The following ALDH1A2 variants were observed in gnomAD, a reference collection of about 807,000 sequenced individuals.
ALDH1A2 encodes the protein retinal dehydrogenase 2.
ALDH1A2 carries 27 observed loss-of-function variants against 60.3 expected under a neutral mutation model. That is an observed-to-expected ratio of 0.45 (90% CI 0.33 to 0.62). The LOEUF is 0.62. ALDH1A2 is among the 20% of genes least tolerant of loss of function. ALDH1A2 has a pLI of 0.02. For missense variants in ALDH1A2, 581 were observed against 643.8 expected (o/e 0.90, Z 1.06); for synonymous variants, 289 against 232.4 (o/e 1.24, Z -2.21).
At chr15:57,994,659 T>A (rs894951329) in intron 5 of ALDH1A2, among the ~76,000 whole-genome samples, 6 of 152,194 alleles carry the variant, frequency 3.9e-5, no homozygotes, top group Non-Finnish European at 8.8e-5. Flanking sequence ...TCTATCTAGA[T>A]TCTTGAGAAA....
chr15:57,984,011 T>G (rs1894611992), intron 7 of ALDH1A2, among the ~76,000 whole-genome samples: 1 of 152,266 alleles, frequency 6.6e-6, no homozygotes, highest in South Asian at 2.1e-4. Context: ...CTAAGCATGC[T>G]GCACTGAGAA....
Position 58,065,708 on chromosome 15 carries a change from G to GTCCGCGGCCCGGGGGCGCGC in ALDH1A2, c.-59_-58insGCGCGCCCCCGGGCCGCGGA, listed in dbSNP as rs1897163528. 3 of 1,253,388 alleles carry GTCCGCGGCCCGGGGGCGCGC rather than the reference G, an allele frequency of 2.4e-6. No homozygotes were observed. Among genetic ancestry groups the GTCCGCGGCCCGGGGGCGCGC allele is most frequent in the Non-Finnish European group, 2.2e-6 (2 of 918,704 alleles). The allele number at this position is 1,253,388 out of a possible 1,614,324, so 77.6% of individuals were successfully genotyped here. On this transcript the variant is annotated 5_prime_UTR_variant, in exon 1 of 13. Coordinates refer to ENST00000249750, the MANE Select transcript of ALDH1A2 (RefSeq NM_003888.4). Reference sequence around the variant, plus strand: ...TGGGGCAGTGCGGGCTGTGCGCGCGGTCCGCGGCCCGGGGGCGCGCTCGCC... The same window carrying GTCCGCGGCCCGGGGGCGCGC: ...TGGGGCAGTGCGGGCTGTGCGCGCGGTCCGCGGCCCGGGGGCGCGCTCCGCGGCCCGGGGGCGCGCTCGCC...
chr15:58,025,752 G>A (rs936614194), intron 1 of ALDH1A2, among the ~76,000 whole-genome samples: 8 of 152,214 alleles, frequency 5.3e-5, no homozygotes, highest in African/African-American at 1.9e-4. Flanking sequence ...GCCAGCATCT[G>A]CTCTTAGTGA....
chr15:58,010,608 G>C (rs1359804717), intron 4 of ALDH1A2, 41 bp downstream of exon 4: 23 of 1,609,160 alleles, frequency 1.4e-5, no homozygotes, highest in Non-Finnish European at 2.0e-5. Context: ...ATTTCTGGTG[G>C]TTTCACGTTT....
Position 58,056,251 on chromosome 15 carries a change from CATCA to C in ALDH1A2, c.117+9279_117+9282del, listed in dbSNP as rs773428941. 1.8e-3 allele frequency among the ~76,000 whole-genome samples: 270 copies of C among 152,140 alleles called. 1 individual carries two copies. Among genetic ancestry groups the C allele is most frequent in the Non-Finnish European group, 2.6e-3 (179 of 67,950 alleles). Reference sequence around the variant, plus strand: ...TAGGGAAACTAGTGTGTATTAAAACCATCAATCAAAGTAGTTTCTCCTATTTTCC... The same window carrying C: ...TAGGGAAACTAGTGTGTATTAAAACCATCAAAGTAGTTTCTCCTATTTTCC... On this transcript the variant is annotated intron_variant, in intron 1 of 12. Transcript: ENST00000249750.
intron 1 of ALDH1A2, among the ~76,000 whole-genome samples, chr15:58,027,848 A>G (rs530987125): frequency 6.6e-6 from 1 of 152,270 alleles, no homozygotes; most frequent in Non-Finnish European, 1.5e-5. Context: ...AAGATTAGAG[A>G]AAAAAGAGTG....
chr15:58,064,490 A>G (rs769237237), intron 1 of ALDH1A2, among the ~76,000 whole-genome samples: 1 of 152,230 alleles, frequency 6.6e-6, no homozygotes, highest in Non-Finnish European at 1.5e-5. Flanking sequence ...TACAAAATTT[A>G]TCTTGTAAAA....
intron 1 of ALDH1A2, among the ~76,000 whole-genome samples, chr15:58,034,899 C>T (rs911263027): frequency 1.6e-4 from 24 of 151,600 alleles, no homozygotes; most frequent in Non-Finnish European, 3.1e-4. Flanking sequence ...ATTTTTGCAT[C>T]TATGTTCATG....
At chr15:58,034,348 T>G (rs972755928) in intron 1 of ALDH1A2, among the ~76,000 whole-genome samples, 1 of 151,748 alleles carries the variant, frequency 6.6e-6, no homozygotes, top group Non-Finnish European at 1.5e-5. Flanking sequence ...ATCCCGTCAG[T>G]TCTAGATGTT....
intron 1 of ALDH1A2, among the ~76,000 whole-genome samples, chr15:58,030,557 A>C (rs1896209167): frequency 6.6e-6 from 1 of 152,158 alleles, no homozygotes; most frequent in South Asian, 2.1e-4. Context: ...AGAGAAGAGA[A>C]AGAAATAAAG....
chr15:58,050,868 T>C (rs1356448313), intron 1 of ALDH1A2, among the ~76,000 whole-genome samples: 6 of 152,178 alleles, frequency 3.9e-5, no homozygotes, highest in African/African-American at 1.2e-4. Flanking sequence ...GTGAATATCA[T>C]CTTTCATTTA....
intron 1 of ALDH1A2, among the ~76,000 whole-genome samples, chr15:58,017,978 A>G (rs1218668479): frequency 1.3e-5 from 2 of 152,192 alleles, no homozygotes; most frequent in Non-Finnish European, 2.9e-5. Context: ...TTGTTGGTAC[A>G]TGGAATAACA....
intron 7 of ALDH1A2, chr15:57,980,463 T>C (rs1454606227): frequency 9.4e-6 from 3 of 319,750 alleles, no homozygotes; most frequent in African/African-American, 6.5e-5. Flanking sequence ...TTCATGAGTA[T>C]GCATAAGATA....
intron 4 of ALDH1A2, among the ~76,000 whole-genome samples, chr15:57,996,763 A>C (rs2140496400): frequency 6.6e-6 from 1 of 152,170 alleles, no homozygotes; most frequent in East Asian, 1.9e-4. Context: ...AGAAAAGTTT[A>C]ACAATTCATA....
intron 4 of ALDH1A2, among the ~76,000 whole-genome samples, chr15:58,004,195 G>A (rs1221548158): frequency 6.6e-6 from 1 of 151,812 alleles, no homozygotes; most frequent in Non-Finnish European, 1.5e-5. Context: ...AATTAAGCAG[G>A]TATTTGCTCT....
chr15:58,029,814 T>C (rs1896182452), intron 1 of ALDH1A2, among the ~76,000 whole-genome samples: 1 of 152,110 alleles, frequency 6.6e-6, no homozygotes, highest in Non-Finnish European at 1.5e-5. Context: ...CCTGGACACA[T>C]ACACCCTCCC....
chr15:57,988,858 T>C (rs1176642796), intron 7 of ALDH1A2, among the ~76,000 whole-genome samples: 1 of 147,918 alleles, frequency 6.8e-6, no homozygotes, highest in South Asian at 2.1e-4. Flanking sequence ...ATTTATTCAA[T>C]TTAACTTCCA....
intron 1 of ALDH1A2, among the ~76,000 whole-genome samples, chr15:58,024,449 T>C (rs1300160106): frequency 1.3e-5 from 2 of 152,108 alleles, no homozygotes; most frequent in African/African-American, 2.4e-5. Context: ...TTATATCAGA[T>C]AAAAACAGAT....
At chr15:57,987,682 C>T (rs1894749823) in intron 7 of ALDH1A2, among the ~76,000 whole-genome samples, 1 of 152,060 alleles carries the variant, frequency 6.6e-6, no homozygotes, top group African/African-American at 2.4e-5. Flanking sequence ...AGATCCAGAC[C>T]ATCCTGGCTA....
Sources: allele counts gnomAD v4.1 joint callset (sites outside exome capture counted in the v4.1 genomes callset), GRCh38; gene constraint gnomAD v4.1.1; transcripts MANE v1.5; gene names NCBI Gene and HGNC (gene_info 2026-07-23, HGNC 2026-07-21).